PDE1C: variants seen among roughly 807,000 people sequenced by gnomAD.
The protein encoded by PDE1C is phosphodiesterase 1C.
Under a neutral mutation model 93.1 loss-of-function variants are expected in PDE1C, and 62 were observed. That is an observed-to-expected ratio of 0.67 (90% CI 0.54 to 0.82). PDE1C has a LOEUF of 0.82. Ranked by LOEUF, PDE1C falls within the 40% of genes least tolerant of loss-of-function variation. The probability of loss-of-function intolerance (pLI) is 0.00; values close to 1 mark genes in which losing one functional copy is unlikely to be tolerated. For missense variants in PDE1C, 742 were observed against 884.6 expected (o/e 0.84, Z 2.04); for synonymous variants, 325 against 310.1 (o/e 1.05, Z -0.50).
intron 1 of PDE1C, among the ~76,000 whole-genome samples, chr7:32,239,323 T>C (rs773272503): frequency 2.0e-4 from 30 of 152,070 alleles, no homozygotes; most frequent in Non-Finnish European, 3.2e-4. Flanking sequence ...AACCTAGGAG[T>C]TCTGGGTTGC....
At chr7:31,698,463 C>T in the PDE1C span, among the ~76,000 whole-genome samples, 1 of 152,198 alleles carries the variant, frequency 6.6e-6, no homozygotes, top group African/African-American at 2.4e-5. Context: ...CCAGGGACAA[C>T]TCTCCCTCAG....
At chr7:31,925,431 A>G (rs998179901) in intron 2 of PDE1C, among the ~76,000 whole-genome samples, 1 of 151,020 alleles carries the variant, frequency 6.6e-6, no homozygotes, top group East Asian at 2.0e-4. Context: ...TCAGTCTTTA[A>G]AGAGAATGAA....
At chr7:32,308,702 G>A (rs1585100850) in intron 1 of PDE1C, among the ~76,000 whole-genome samples, 1 of 152,338 alleles carries the variant, frequency 6.6e-6, no homozygotes, top group East Asian at 1.9e-4. Context: ...TCTGTTAGAA[G>A]GAAAACTAAC....
intron 2 of PDE1C, among the ~76,000 whole-genome samples, chr7:31,937,490 G>T (rs976862536): frequency 3.9e-5 from 6 of 152,098 alleles, no homozygotes; most frequent in African/African-American, 1.4e-4. Flanking sequence ...GTATAAACAG[G>T]CATGTCCTGG....
chr7:32,314,945 C>T (rs1256110312), intron 1 of PDE1C, among the ~76,000 whole-genome samples: 1 of 150,880 alleles, frequency 6.6e-6, no homozygotes, highest in Admixed American at 6.7e-5. Context: ...TTATCACCAG[C>T]AAACATGCAT....
chr7:31,912,896 T>C (rs1034688900), intron 2 of PDE1C, among the ~76,000 whole-genome samples: 17 of 152,184 alleles, frequency 1.1e-4, no homozygotes, highest in African/African-American at 2.9e-4. Context: ...TTTTATTTCA[T>C]ATATTAGTAC....
intron 1 of PDE1C, among the ~76,000 whole-genome samples, chr7:32,353,398 AGTATTC>A (rs1165621632): frequency 6.6e-5 from 1 of 15,238 alleles, no homozygotes; most frequent in Non-Finnish European, 3.9e-4. Context: ...AGGTGTTTGT[AGTATTC>A]TCTGATGGTA....
Position 32,374,446 on chromosome 7 carries a change from C to A in PDE1C, c.310+53376G>T, listed in dbSNP as rs541014308. 8.3e-4 allele frequency among the ~76,000 whole-genome samples: 126 copies of A among 152,334 alleles called. 1 individual carries two copies. Among genetic ancestry groups the A allele is most frequent in the African/African-American group, 2.8e-3 (118 of 41,572 alleles). On this transcript the variant is annotated intron_variant, in intron 1 of 1. Coordinates refer to the PDE1C transcript ENST00000672256. ...AAAGGCAATTGTTTGCTGGAACATT[C>A]ACACTTGGTGGCATGAGCCACCATG...
intron 2 of PDE1C, among the ~76,000 whole-genome samples, chr7:31,897,638 T>C (rs542058031): frequency 1.4e-4 from 22 of 152,326 alleles, no homozygotes; most frequent in African/African-American, 5.3e-4. Context: ...TCTAATATTG[T>C]TTTCTGTCTC....
intron 1 of PDE1C, among the ~76,000 whole-genome samples, chr7:32,235,695 A>T (rs1808025884): frequency 6.6e-6 from 1 of 152,068 alleles, no homozygotes; most frequent in Non-Finnish European, 1.5e-5. Flanking sequence ...CCAGGGCTGG[A>T]AGACTCAATA....
At chr7:32,334,736 T>C (rs1783583082) in intron 1 of PDE1C, among the ~76,000 whole-genome samples, 1 of 152,034 alleles carries the variant, frequency 6.6e-6, no homozygotes, top group African/African-American at 2.4e-5. Context: ...TGAAATAGTA[T>C]GTGTACAGTG....
At chr7:31,632,158 C>A in the PDE1C span, among the ~76,000 whole-genome samples, 1 of 152,150 alleles carries the variant, frequency 6.6e-6, no homozygotes, top group East Asian at 1.9e-4. Flanking sequence ...TAAAATTATC[C>A]TTGACAGAGG....
chr7:31,631,716 G>GT, the PDE1C span, among the ~76,000 whole-genome samples: 3 of 152,282 alleles, frequency 2.0e-5, no homozygotes, highest in East Asian at 5.8e-4. Flanking sequence ...TTCCTAGGCT[G>GT]TAAGACCTTG....
At chr7:32,045,735 C>T (rs1051424504) in intron 2 of PDE1C, among the ~76,000 whole-genome samples, 1 of 152,150 alleles carries the variant, frequency 6.6e-6, no homozygotes, top group Non-Finnish European at 1.5e-5. Flanking sequence ...AACCAATGGG[C>T]CTTAATATAT....
the PDE1C span, among the ~76,000 whole-genome samples, chr7:31,627,413 T>C: frequency 3.3e-5 from 5 of 152,186 alleles, no homozygotes; most frequent in Non-Finnish European, 5.9e-5. Flanking sequence ...ATCCCAGCTC[T>C]TTGGGAGGTC....
chr7:32,169,407 A>G (rs535706205), intron 3 of PDE1C, among the ~76,000 whole-genome samples: 1 of 152,322 alleles, frequency 6.6e-6, no homozygotes, highest in South Asian at 2.1e-4. Context: ...GAGACTCTAA[A>G]TACACAGGGC....
intron 16 of PDE1C, chr7:31,788,666 C>T (rs754429817): frequency 6.6e-6 from 1 of 152,264 alleles, no homozygotes; most frequent in East Asian, 1.9e-4. Context: ...ATTTACTTGA[C>T]CTGCTAGGCC....
At chr7:32,091,290 T>C (rs1470576946) in intron 3 of PDE1C, among the ~76,000 whole-genome samples, 1 of 152,230 alleles carries the variant, frequency 6.6e-6, no homozygotes, top group Non-Finnish European at 1.5e-5. Flanking sequence ...TGTGCTTCAA[T>C]GAACTTTAGA....
chr7:31,707,147 G>A, the PDE1C span: 23 of 1,507,560 alleles, frequency 1.5e-5, no homozygotes, highest in Non-Finnish European at 2.1e-5. Context: ...TGTCTGCAAC[G>A]TTGCCTAATG....
Sources: gnomAD v4.1 joint callset for allele counts (sites outside exome capture counted in the v4.1 genomes callset) on GRCh38, gnomAD v4.1.1 for gene constraint, MANE v1.5 for transcripts, NCBI Gene and HGNC (gene_info 2026-07-23, HGNC 2026-07-21) for gene names.